The following RSRC1 variants were observed in gnomAD, a reference collection of about 807,000 sequenced individuals.
RSRC1 encodes arginine and serine rich coiled-coil 1.
In RSRC1, 39 loss-of-function variants were observed where a neutral mutation model predicts 49.1. That is an observed-to-expected ratio of 0.79 (90% CI 0.61 to 1.04). The LOEUF is 1.04. RSRC1 is among the 50% of genes least tolerant of loss of function. The pLI is 0.00. For synonymous variants in RSRC1, 143 were observed against 130.8 expected (o/e 1.09, Z -0.63); for missense variants, 388 against 402.4 (o/e 0.96, Z 0.31).
At chr3:158,376,827 A>G (rs1206152468) in intron 6 of RSRC1, among the ~76,000 whole-genome samples, 1 of 151,608 alleles carries the variant, frequency 6.6e-6, no homozygotes, top group Non-Finnish European at 1.5e-5. Flanking sequence ...GGAAGTTGGC[A>G]TAGTCACTCT....
At chr3:158,417,200 G>T (rs994823880) in intron 6 of RSRC1, among the ~76,000 whole-genome samples, 1 of 151,960 alleles carries the variant, frequency 6.6e-6, no homozygotes, top group Non-Finnish European at 1.5e-5. Flanking sequence ...ACTTTATGCT[G>T]TTATTACCAG....
intron 6 of RSRC1, among the ~76,000 whole-genome samples, chr3:158,364,316 G>A (rs558710421): frequency 6.6e-6 from 1 of 152,266 alleles, no homozygotes; most frequent in South Asian, 2.1e-4. Context: ...CCGAGAAATA[G>A]TACTGATTTA....
At chr3:158,228,065 T>C (rs1277544313) in intron 4 of RSRC1, among the ~76,000 whole-genome samples, 1 of 152,008 alleles carries the variant, frequency 6.6e-6, no homozygotes, top group African/African-American at 2.4e-5. Flanking sequence ...GGGGAACTAG[T>C]TTATTCAAAA....
Position 158,503,217 on chromosome 3 carries a change from C to T in RSRC1, c.653-33875C>T, listed in dbSNP as rs1252564606. On this transcript the variant is annotated intron_variant, in intron 7 of 9. Coordinates refer to ENST00000611884, the MANE Select transcript of RSRC1 (RefSeq NM_001271838.2). ...CCGGGGTGGTACTGGGGGCTGTCTG[C>T]ACAGAGTCCTATGATGTAAATCATC... Among the ~76,000 whole-genome samples the T allele has an allele frequency of 2.0e-5, 3 of 152,140 alleles. No individual in the cohort carries two copies. The East Asian group carries it at 5.8e-4, about 29-fold the overall frequency.
intron 6 of RSRC1, among the ~76,000 whole-genome samples, chr3:158,397,345 G>C (rs1055263068): frequency 6.6e-6 from 1 of 152,154 alleles, no homozygotes; most frequent in Non-Finnish European, 1.5e-5. Flanking sequence ...ATTAGTCTTT[G>C]TGAAATAGTG....
chr3:158,350,674 C>G (rs1014429070), intron 5 of RSRC1, among the ~76,000 whole-genome samples: 9 of 152,078 alleles, frequency 5.9e-5, no homozygotes, highest in African/African-American at 2.2e-4. Context: ...ATATAAAGTA[C>G]TTGTGACATT....
At chr3:158,323,150 T>A (rs998634199) in intron 5 of RSRC1, among the ~76,000 whole-genome samples, 2 of 152,206 alleles carry the variant, frequency 1.3e-5, no homozygotes, top group African/African-American at 4.8e-5. Flanking sequence ...ATTTTGTTCT[T>A]CTGAGTATTT....
intron 4 of RSRC1, among the ~76,000 whole-genome samples, chr3:158,258,484 T>C (rs2108029262): frequency 6.6e-6 from 1 of 152,158 alleles, no homozygotes; most frequent in Non-Finnish European, 1.5e-5. Flanking sequence ...TCCTTTTCTT[T>C]CTTTACTTTG....
rs77020953 is a variant in RSRC1, at chr3:158,482,146, T to C, written c.652+21143T>C. Among the ~76,000 whole-genome samples the C allele has an allele frequency of 7.9e-4, 120 of 152,138 alleles. No individual in the cohort carries two copies. In the East Asian group the frequency reaches 0.022, roughly 27 times the overall value. On this transcript the variant is annotated intron_variant, in intron 7 of 9. Coordinates refer to ENST00000611884, the MANE Select transcript of RSRC1 (RefSeq NM_001271838.2). ...AATAGTTTTATTGAAATTATTAAAT[T>C]CTTTTTAATAGTGAATTAACAAATT...
intron 6 of RSRC1, among the ~76,000 whole-genome samples, chr3:158,442,764 T>C (rs949286200): frequency 1.3e-5 from 2 of 152,050 alleles, no homozygotes; most frequent in African/African-American, 4.8e-5. Context: ...TCTTATTGTT[T>C]AAGAAATACA....
At chr3:158,413,862 T>C (rs1461721843) in intron 6 of RSRC1, among the ~76,000 whole-genome samples, 2 of 152,110 alleles carry the variant, frequency 1.3e-5, no homozygotes, top group Non-Finnish European at 2.9e-5. Flanking sequence ...TGTGGAGAAA[T>C]AGGAACGCTT....
chr3:158,236,234 AAG>A (rs1304478661), intron 4 of RSRC1, among the ~76,000 whole-genome samples: 1 of 152,172 alleles, frequency 6.6e-6, no homozygotes, highest in Admixed American at 6.6e-5. Flanking sequence ...GTAATAGTTC[AAG>A]AGAGTTTGTC....
chr3:158,543,571 C>CA, intron 9 of RSRC1, 84 bp downstream of exon 9: 2 of 1,356,024 alleles, frequency 1.5e-6, no homozygotes, highest in Non-Finnish European at 2.0e-6. Flanking sequence ...GTGCTAACAC[C>CA]AAGGAGACCA....
At chr3:158,147,257 G>T (rs1377799544) in intron 3 of RSRC1, among the ~76,000 whole-genome samples, 1 of 151,428 alleles carries the variant, frequency 6.6e-6, no homozygotes, top group African/African-American at 2.4e-5. Flanking sequence ...TTTTCCATGT[G>T]TGAGACAGCA....
intron 5 of RSRC1, among the ~76,000 whole-genome samples, chr3:158,332,433 T>C (rs1029266107): frequency 9.6e-6 from 1 of 104,110 alleles, no homozygotes; most frequent in Non-Finnish European, 2.0e-5. Flanking sequence ...GTTTCACCTC[T>C]TAAAATAAAT....
chr3:158,219,265 G>C (rs1201271087), intron 4 of RSRC1, among the ~76,000 whole-genome samples: 1 of 151,518 alleles, frequency 6.6e-6, no homozygotes, highest in Non-Finnish European at 1.5e-5. Context: ...GTGACATCAA[G>C]CATTGTTGGT....
At chr3:158,210,939 C>T (rs1721639460) in intron 4 of RSRC1, among the ~76,000 whole-genome samples, 1 of 151,978 alleles carries the variant, frequency 6.6e-6, no homozygotes, top group South Asian at 2.1e-4. Context: ...ATTGTAGGTT[C>T]ATTCTCTTTT....
intron 7 of RSRC1, among the ~76,000 whole-genome samples, chr3:158,471,534 A>T: frequency 6.6e-6 from 1 of 152,176 alleles, no homozygotes. Flanking sequence ...CCCTCTTCAA[A>T]GTAACAGTAT....
Position 158,504,898 on chromosome 3 carries a change from A to G in RSRC1, c.653-32194A>G, listed in dbSNP as rs137932239. Among the ~76,000 whole-genome samples the G allele has an allele frequency of 1.2e-3, 184 of 152,350 alleles. 1 individual carries two copies. Among genetic ancestry groups the G allele is most frequent in the Admixed American group, 2.3e-3 (35 of 15,308 alleles). ...ACTAGTTATTAAGTGTATTAGATTC[A>G]TTTGTTAGGTATTTCCTTTAGATCT... On this transcript the variant is annotated intron_variant, in intron 7 of 9. Coordinates refer to ENST00000611884, the MANE Select transcript of RSRC1 (RefSeq NM_001271838.2).
Sources: allele counts gnomAD v4.1 joint callset (sites outside exome capture counted in the v4.1 genomes callset), GRCh38; gene constraint gnomAD v4.1.1; transcripts MANE v1.5; gene names NCBI Gene and HGNC (gene_info 2026-07-23, HGNC 2026-07-21).